DENND4A: variants seen among roughly 807,000 people sequenced by gnomAD.
DENND4A encodes DENN domain containing 4A, also known as C-myc promoter-binding protein.
DENND4A carries 70 observed loss-of-function variants against 199.3 expected under a neutral mutation model. The ratio of observed to expected loss-of-function variants is 0.35; its 90% CI spans 0.29 to 0.43. DENND4A has a LOEUF of 0.43. Ranked by LOEUF, DENND4A falls within the 20% of genes least tolerant of loss-of-function variation. The pLI, the probability that DENND4A is intolerant of heterozygous loss-of-function variation, is 1.00. For missense variants in DENND4A, 1,723 were observed against 2,255.8 expected, an observed-to-expected ratio of 0.76 and a Z score of 4.78; for synonymous variants, 686 against 766.9, an observed-to-expected ratio of 0.89 and a Z score of 1.74.
chr15:65,705,826 C>T (rs1167580165), intron 15 of DENND4A: 1 of 228,654 alleles, frequency 4.4e-6, no homozygotes, highest in Admixed American at 6.5e-5. Flanking sequence ...GGGAGTCTAA[C>T]TGAATGTAAT....
intron 1 of DENND4A, among the ~76,000 whole-genome samples, chr15:65,768,899 CAGG>C (rs1330831565): frequency 6.6e-6 from 1 of 151,738 alleles, no homozygotes; most frequent in African/African-American, 2.4e-5. Flanking sequence ...GTGGCTGAGA[CAGG>C]AGAATTGCTT....
chr15:65,677,241 C>T (rs576031945), intron 23 of DENND4A, among the ~76,000 whole-genome samples: 1 of 152,082 alleles, frequency 6.6e-6, no homozygotes, highest in South Asian at 2.1e-4. Flanking sequence ...AGACAGGGTC[C>T]ACTCTGCTTT....
intron 30 of DENND4A, chr15:65,665,042 G>A: frequency 2.2e-6 from 1 of 458,110 alleles, no homozygotes; most frequent in Non-Finnish European, 3.8e-6. Context: ...AAATTGGGAT[G>A]AGCAATGTGC....
intron 12 of DENND4A, among the ~76,000 whole-genome samples, chr15:65,720,863 T>C (rs144790136): frequency 0.019 from 2,823 of 149,616 alleles, 236 homozygotes; most frequent in Admixed American, 0.15. Flanking sequence ...TTAGAGTCCT[T>C]AATTATCAGT....
intron 14 of DENND4A, among the ~76,000 whole-genome samples, chr15:65,711,803 C>T (rs552421999): frequency 6.6e-5 from 10 of 152,272 alleles, no homozygotes; most frequent in Admixed American, 4.6e-4. Flanking sequence ...TTATTCCACA[C>T]ACACACAAAA....
intron 28 of DENND4A, 24 bp from the exon 29 acceptor site, chr15:65,667,727 A>T (rs758609921): frequency 1.2e-5 from 19 of 1,592,032 alleles, no homozygotes; most frequent in Non-Finnish European, 1.6e-5. Context: ...AAAAACCATA[A>T]ATGGCAAATG....
At chr15:65,668,454 C>T (rs536109968) in intron 27 of DENND4A, among the ~76,000 whole-genome samples, 56 of 152,182 alleles carry the variant, frequency 3.7e-4, no homozygotes, top group African/African-American at 1.2e-3. Flanking sequence ...AGCCATCTGC[C>T]CACCTCGGCC....
At chr15:65,769,198 TACACACACACACACACAC>T (rs3082834) in intron 1 of DENND4A, among the ~76,000 whole-genome samples, 3 of 146,274 alleles carry the variant, frequency 2.1e-5, no homozygotes, top group Admixed American at 6.9e-5. Context: ...ATATAAGGTA[TACACACACACACACACAC>T]ACACACACAC....
At chr15:65,738,988 T>A in intron 5 of DENND4A, 113 bp from the exon 6 acceptor site, 1 of 756,230 alleles carries the variant, frequency 1.3e-6, no homozygotes, top group Non-Finnish European at 2.0e-6. Context: ...CAAAGCATTA[T>A]ATATATGTTC....
At chr15:65,729,342 A>G in intron 10 of DENND4A, 95 bp from the exon 11 acceptor site, 1 of 1,405,188 alleles carries the variant, frequency 7.1e-7, no homozygotes, top group Non-Finnish European at 9.9e-7. Context: ...AGTATTATCT[A>G]AAGCCTAATG....
chr15:65,737,753 G>T lies in DENND4A; in HGVS notation c.994C>A (p.Leu332Met). Residue 332 changes from leucine to methionine, a missense_variant, in exon 7 of 33, where the codon CTG becomes ATG. Physicochemically the swap from Leu to Met is conservative, Grantham distance 15. Around this residue, in one of 6 missense-constraint regions of DENND4A, gnomAD observed 725 missense variants for 952.9 expected, o/e 0.76. Coordinates refer to ENST00000443035, the MANE Select transcript of DENND4A (RefSeq NM_001320835.1). ...GGCCCAGAGATGGAATAACGATACA[G>T]AAAAGTCAGAAACTTCCTGAATGCA... The part of the protein sequence containing the change: ...FDAFRKFLTF[L>M]YRYSISGPHV... The T allele has an allele frequency of 1.3e-6, 2 of 1,588,658 alleles. No homozygotes were observed. The highest frequency in any genetic ancestry group is 1.7e-6 in the Non-Finnish European group (2 of 1,166,970).
chr15:65,732,700 C>T (rs2075996699), intron 8 of DENND4A, 52 bp downstream of exon 8: 4 of 1,044,648 alleles, frequency 3.8e-6, no homozygotes, highest in Non-Finnish European at 5.7e-6. Context: ...TACATTTTGA[C>T]AGAGCCAATA....
intron 1 of DENND4A, among the ~76,000 whole-genome samples, chr15:65,777,069 G>A (rs2077302511): frequency 6.6e-6 from 1 of 152,172 alleles, no homozygotes; most frequent in South Asian, 2.1e-4. Context: ...TCAGGAGGCT[G>A]AGGCAGGAGA....
intron 4 of DENND4A, among the ~76,000 whole-genome samples, chr15:65,747,977 T>C (rs770923353): frequency 1.5e-5 from 2 of 135,540 alleles, no homozygotes; most frequent in African/African-American, 2.9e-5. Flanking sequence ...GAGGTGGAGG[T>C]TGCAGTGAGC....
intron 1 of DENND4A, among the ~76,000 whole-genome samples, chr15:65,774,789 C>T (rs909149260): frequency 2.7e-5 from 4 of 150,608 alleles, no homozygotes; most frequent in African/African-American, 9.8e-5. Context: ...TTTAAAATTA[C>T]ATAGGCTTAT....
At chr15:65,731,571 TA>T in intron 9 of DENND4A, 70 bp downstream of exon 9, 2 of 1,167,108 alleles carry the variant, frequency 1.7e-6, no homozygotes, top group Non-Finnish European at 2.5e-6. Flanking sequence ...AAATTTTAGC[TA>T]GGAAAAATAA....
At chr15:65,737,626 A>G (rs993194615) in intron 7 of DENND4A, 81 bp downstream of exon 7, 15 of 1,392,080 alleles carry the variant, frequency 1.1e-5, no homozygotes, top group South Asian at 4.3e-5. Context: ...GTATCCATAT[A>G]AAATTTACCC....
At chr15:65,763,552 G>A (rs976931066) in intron 1 of DENND4A, among the ~76,000 whole-genome samples, 2 of 151,722 alleles carry the variant, frequency 1.3e-5, no homozygotes, top group African/African-American at 2.4e-5. Context: ...GTGCAGTCCT[G>A]TAGTCCTAGC....
intron 23 of DENND4A, among the ~76,000 whole-genome samples, chr15:65,686,956 G>A (rs1490956296): frequency 6.6e-6 from 1 of 152,120 alleles, no homozygotes; most frequent in Non-Finnish European, 1.5e-5. Context: ...TCCTGGCTTG[G>A]CCTTCCAGAG....
Sources: allele counts gnomAD v4.1 joint callset (sites outside exome capture counted in the v4.1 genomes callset), GRCh38; gene constraint gnomAD v4.1.1; regional missense constraint gnomAD v4.1.1; transcripts MANE v1.5; gene names NCBI Gene and HGNC (gene_info 2026-07-23, HGNC 2026-07-21).